The following CADM4 variants were observed in gnomAD, a reference collection of about 807,000 sequenced individuals.
CADM4 encodes cell adhesion molecule 4.
Under a neutral mutation model 43.9 loss-of-function variants are expected in CADM4, and 13 were observed. That is an observed-to-expected ratio of 0.30 (90% confidence interval 0.19 to 0.47). The LOEUF (loss-of-function observed/expected upper bound fraction) is 0.47, where lower values mean the gene tolerates loss of function less well. CADM4 is among the 20% of genes least tolerant of loss of function. The pLI, the probability that CADM4 is intolerant of heterozygous loss-of-function variation, is 1.00. For synonymous variants in CADM4, 209 were observed against 220.9 expected, an observed-to-expected ratio of 0.95 and a Z score of 0.48; for missense variants, 420 against 527.0, an observed-to-expected ratio of 0.80 and a Z score of 1.99.
At chr19:43,630,208 G>A (rs183758058) in intron 1 of CADM4, among the ~76,000 whole-genome samples, 3 of 145,952 alleles carry the variant, frequency 2.1e-5, no homozygotes, top group Non-Finnish European at 4.5e-5. Flanking sequence ...CCCGGCCTGC[G>A]CTATTATTAT....
intron 1 of CADM4, among the ~76,000 whole-genome samples, chr19:43,634,913 CCTCT>C (rs1973679834): frequency 6.6e-6 from 1 of 151,838 alleles, no homozygotes; most frequent in African/African-American, 2.4e-5. Context: ...CCAACCACCT[CCTCT>C]CTCAGGTTCC....
In CADM4 at chr19:43,626,302, G is replaced by C; in HGVS notation, c.500-14C>G. On this transcript the variant is annotated splice_polypyrimidine_tract_variant and intron_variant, in intron 4 of 8. Transcript: ENST00000222374. This position sits in a 1 kb window ranked among gnomAD's most constrained non-coding sequence, Gnocchi z 5.9. The stretch of plus-strand genomic sequence containing the variant: ...TGCTGCTCACTCCTGCCACACCCCG[G>C]TCAGACACTGTCAGGCCACAATTCC... 6.2e-7 allele frequency: 1 copy of C among 1,606,486 alleles called. No homozygotes were observed. The highest frequency in any genetic ancestry group is 8.5e-7 in the Non-Finnish European group (1 of 1,178,338).
In CADM4 at chr19:43,639,818, C is replaced by A. The variant is rs1286484742; in HGVS notation, c.-28G>T. On this transcript the variant is annotated 5_prime_UTR_variant, in exon 1 of 9. Transcript: ENST00000222374. The stretch of plus-strand genomic sequence containing the variant: ...TGCCGCCGCCGCCGCCGCCGCCGCT[C>A]GCTCCCGGCCCGGCACCTGCACCGC... The A allele has an allele frequency of 4.0e-6, 4 of 992,086 alleles. No individual in the cohort carries two copies. Among genetic ancestry groups the A allele is most frequent in the Non-Finnish European group, 4.8e-6 (4 of 839,222 alleles). The allele number at this position is 992,086 out of a possible 1,614,324, so 61.5% of individuals were successfully genotyped here. A position where few individuals can be genotyped will look rare whatever the true frequency, so the allele number is the denominator to read the frequency against.
Position 43,626,983 on chromosome 19 carries a change from G to T in CADM4, c.365-65C>A. ...ACGAACGTGGGCTCAAAGCGATCGA[G>T]CTGCCTGTTCCCAGCGACCATAGGG... On this transcript the variant is annotated intron_variant, in intron 3 of 8. Transcript: ENST00000222374. This position sits in a 1 kb window ranked among gnomAD's most constrained non-coding sequence, Gnocchi z 5.9. The T allele has an allele frequency of 6.6e-7, 1 of 1,507,910 alleles. No homozygotes were observed. The allele number at this position is 1,507,910 out of a possible 1,614,324, so 93.4% of individuals were successfully genotyped here.
chr19:43,626,219 C>G lies in CADM4; in HGVS notation c.569G>C (p.Arg190Pro), dbSNP rs369877532. 2.5e-6 allele frequency: 4 copies of G among 1,613,548 alleles called. No homozygotes were observed. Among genetic ancestry groups the G allele is most frequent in the Non-Finnish European group, 3.4e-6 (4 of 1,180,008 alleles). The change falls in exon 5 of 9, where the codon CGT (arginine) becomes CCT (proline). Residue 190 changes from arginine to proline, a missense_variant. Physicochemically the swap from Arg to Pro is moderately radical, Grantham distance 103. Transcript: ENST00000222374. This position sits in a 1 kb window ranked among gnomAD's most constrained non-coding sequence, Gnocchi z 5.9. ...GATGATGATACCACCGTCGTCCTTA[C>G]GGTCCACACGAAACCGTACTGTGCT... is the stretch of plus-strand genomic sequence containing the variant. ...VASTVRFRVDRKDDGGIIICE... is the reference protein window; with the variant it reads ...VASTVRFRVDPKDDGGIIICE...
At chr19:43,641,359 A>C (rs1973769500), upstream of CADM4, among the ~76,000 whole-genome samples, 1 of 152,140 alleles carries the variant, frequency 6.6e-6, no homozygotes, top group African/African-American at 2.4e-5. Context: ...CTCAGTACCC[A>C]GCTCCCAGTA....
At chr19:43,638,427 A>G (rs753019660) in intron 1 of CADM4, among the ~76,000 whole-genome samples, 1 of 152,118 alleles carries the variant, frequency 6.6e-6, no homozygotes, top group Non-Finnish European at 1.5e-5. Flanking sequence ...CCTGGTTATA[A>G]CTCCTCTCAC....
rs377236615 is a variant in CADM4 at position 43,632,458 on chromosome 19, C to G, written c.65-4668G>C. Among the ~76,000 whole-genome samples, 272 of 152,264 alleles carry G rather than the reference C, an allele frequency of 1.8e-3. 1 individual carries two copies. In the South Asian group the frequency reaches 0.04, roughly 23 times the overall value. ...GATCAATTCACCTTTCTGCTTAAAA[C>G]CCTCCGAGGGCTGCCCGTAACATGT... On this transcript the variant is annotated intron_variant, in intron 1 of 8. Coordinates refer to ENST00000222374, the MANE Select transcript of CADM4 (RefSeq NM_145296.2).
At chr19:43,624,270 G>A in intron 7 of CADM4, 28 bp from the exon 8 acceptor site, 1 of 1,614,070 alleles carries the variant, frequency 6.2e-7, no homozygotes, top group Non-Finnish European at 8.5e-7. Context: ...CACAGGACCA[G>A]GTCATCAGAG....
intron 1 of CADM4, among the ~76,000 whole-genome samples, chr19:43,636,233 T>C (rs1973702328): frequency 6.6e-6 from 1 of 152,108 alleles, no homozygotes; most frequent in African/African-American, 2.4e-5. Flanking sequence ...GTCCCCGCTG[T>C]GGCCCCCACA....
intron 1 of CADM4, among the ~76,000 whole-genome samples, chr19:43,633,745 A>G (rs1973662338): frequency 6.6e-6 from 1 of 151,300 alleles, no homozygotes; most frequent in East Asian, 2.0e-4. Flanking sequence ...CAGTGGTGCA[A>G]TCATGGCTCA....
At chr19:43,624,042 T>C (rs1568539492) in intron 8 of CADM4, 72 bp downstream of exon 8, 1 of 1,575,934 alleles carries the variant, frequency 6.3e-7, no homozygotes, top group Non-Finnish European at 8.7e-7. Flanking sequence ...CTCGTTACCC[T>C]GGCTCTAGGC....
chr19:43,628,851 G>A (rs1801822613), intron 1 of CADM4, among the ~76,000 whole-genome samples: 1 of 152,158 alleles, frequency 6.6e-6, no homozygotes. Flanking sequence ...TGTGAGTGTG[G>A]CCATCCTGGA....
chr19:43,630,132 C>T (rs151161681), intron 1 of CADM4, among the ~76,000 whole-genome samples: 9 of 151,530 alleles, frequency 5.9e-5, no homozygotes, highest in African/African-American at 9.7e-5. Context: ...CTTGAACTTG[C>T]GAGCTCAAGT....
chr19:43,636,607 C>A (rs954040779), intron 1 of CADM4, among the ~76,000 whole-genome samples: 1 of 152,128 alleles, frequency 6.6e-6, no homozygotes, highest in Non-Finnish European at 1.5e-5. Flanking sequence ...GGCCACCCCC[C>A]ACCCCTCCCA....
At chr19:43,636,306 C>T (rs1411681819) in intron 1 of CADM4, among the ~76,000 whole-genome samples, 35 of 152,074 alleles carry the variant, frequency 2.3e-4, no homozygotes, top group Admixed American at 2.3e-3. Context: ...AGTGGGGAGT[C>T]CCCCAGAGGT....
chr19:43,625,298 A>T lies in CADM4; in HGVS notation c.756-48T>A. The T allele has an allele frequency of 6.4e-7, 1 of 1,561,930 alleles. No homozygotes were observed. The highest frequency in any genetic ancestry group is 8.7e-7 in the Non-Finnish European group (1 of 1,147,946). ...GAGAGTTAGGAACCGAGGTGCCAGC[A>T]CCCAATTCTGACTTGTCAAGAATCT... On this transcript the variant is annotated intron_variant, in intron 6 of 8. Coordinates refer to ENST00000222374, the MANE Select transcript of CADM4 (RefSeq NM_145296.2). The surrounding 1 kb of genome is among the most constrained non-coding windows in gnomAD (Gnocchi z 4.5).
Position 43,624,159 on chromosome 19 carries a change from T to A in CADM4, c.1012A>T (p.Ile338Leu). 6.2e-7 allele frequency: 1 copy of A among 1,614,132 alleles called. No homozygotes were observed. Among genetic ancestry groups the A allele is most frequent in the Non-Finnish European group, 8.5e-7 (1 of 1,180,018 alleles). ...GILALLVFLI[I>L]CVLVGMVWCS... is the part of the protein sequence containing the mutation. ...CAGACCATGCCCACTAGCACACATA[T>A]GATCAGAAACACCAGCAGCGCCAGG... Residue 338 changes from isoleucine (I) to leucine (L), a missense_variant, in exon 8 of 9, where the codon ATA becomes TTA. Coordinates refer to ENST00000222374, the MANE Select transcript of CADM4 (RefSeq NM_145296.2).
rs1346157268 is a variant in CADM4 at position 43,623,806 on chromosome 19, C to G, written c.1057+308G>C. Reference sequence around the variant, plus strand: ...TAGAAAAGGGGCTGCGCCATGGTGCCCAGGCTGGTCTCGACCTCCTAGCTT... The same window carrying G: ...TAGAAAAGGGGCTGCGCCATGGTGCGCAGGCTGGTCTCGACCTCCTAGCTT... On this transcript the variant is annotated intron_variant, in intron 8 of 8. Coordinates refer to ENST00000222374, the MANE Select transcript of CADM4 (RefSeq NM_145296.2). This position sits in a 1 kb window ranked among gnomAD's most constrained non-coding sequence, Gnocchi z 4.4. Among the ~76,000 whole-genome samples, 1 of 152,148 alleles carries G rather than the reference C, an allele frequency of 6.6e-6. No homozygotes were observed. The highest frequency in any genetic ancestry group is 2.4e-5 in the African/African-American group (1 of 41,422).
Sources: allele counts gnomAD v4.1 joint callset (sites outside exome capture counted in the v4.1 genomes callset), GRCh38; gene constraint gnomAD v4.1.1; non-coding constraint Gnocchi (gnomAD v3.1); transcripts MANE v1.5; gene names NCBI Gene and HGNC (gene_info 2026-07-23, HGNC 2026-07-21).